CEP78: variants seen among roughly 807,000 people sequenced by gnomAD.
CEP78 encodes the protein centrosomal protein of 78 kDa.
A neutral mutation model predicts 81.2 loss-of-function variants in CEP78; 76 were observed. That is an observed-to-expected ratio of 0.94 (90% CI 0.78 to 1.13). CEP78 has a LOEUF of 1.13. Ranked by LOEUF, CEP78 falls within the 50% of genes most tolerant of loss-of-function variation. CEP78 has a pLI of 0.00. For synonymous variants in CEP78, 293 were observed against 301.4 expected (o/e 0.97, Z 0.29); for missense variants, 918 against 846.8 (o/e 1.08, Z -1.04).
At chr9:78,237,206 C>T (rs1825997125) in intron 1 of CEP78, among the ~76,000 whole-genome samples, 1 of 151,892 alleles carries the variant, frequency 6.6e-6, no homozygotes. Context: ...GTCTCGAACT[C>T]CTGACCTCAG....
intron 9 of CEP78, among the ~76,000 whole-genome samples, chr9:78,252,322 T>G (rs1242313375): frequency 1.3e-5 from 2 of 152,178 alleles, no homozygotes; most frequent in African/African-American, 2.4e-5. Flanking sequence ...TCATTTAAAG[T>G]ATGTGCAGTT....
chr9:78,247,133 A>T (rs1237598472), intron 6 of CEP78, among the ~76,000 whole-genome samples: 1 of 152,248 alleles, frequency 6.6e-6, no homozygotes, highest in Non-Finnish European at 1.5e-5. Context: ...TGGTTTAAGC[A>T]CTAAACATAC....
chr9:78,242,197 C>G (rs1350921228), intron 4 of CEP78, among the ~76,000 whole-genome samples: 1 of 151,468 alleles, frequency 6.6e-6, no homozygotes, highest in Non-Finnish European at 1.5e-5. Context: ...CCAAATCTAG[C>G]CTATCACCTA....
At position 78,275,287 on chromosome 9, in the gene CEP78, T is replaced by C. The variant is rs1434482766; in HGVS notation, c.*4436T>C. The C allele has an allele frequency of 3.3e-5, 5 of 152,060 alleles. No individual in the cohort carries two copies. In the South Asian group the frequency reaches 6.2e-4, roughly 19 times the overall value. The allele number at this position is 152,060 out of a possible 1,614,324, so 9.4% of individuals were successfully genotyped here. ...AATAAACGAAACATCTTAGGAGAAA[T>C]TGAAAAAATAGGACAAGAACTTATT... On this transcript the variant is annotated 3_prime_UTR_variant, in exon 17 of 17. Coordinates refer to ENST00000643273, the MANE Select transcript of CEP78 (RefSeq NM_001330691.3).
chr9:78,256,525 T>A (rs1827035507), intron 11 of CEP78, among the ~76,000 whole-genome samples: 3 of 29,898 alleles, frequency 1.0e-4, no homozygotes, highest in African/African-American at 1.7e-4. Flanking sequence ...TGCTCCCTTA[T>A]TTTTTTTTTT....
At chr9:78,239,503 C>T (rs1474362377) in intron 1 of CEP78, among the ~76,000 whole-genome samples, 1 of 152,158 alleles carries the variant, frequency 6.6e-6, no homozygotes, top group Non-Finnish European at 1.5e-5. Flanking sequence ...CTTTGATACT[C>T]CAACAGTGAG....
At position 78,265,378 on chromosome 9, in the gene CEP78, G is replaced by A. The variant is rs369950369; in HGVS notation, c.1632G>A (p.Gly544=). The A allele has an allele frequency of 6.9e-6, 11 of 1,598,152 alleles. No individual in the cohort carries two copies. Among genetic ancestry groups the A allele is most frequent in the Non-Finnish European group, 8.5e-6 (10 of 1,174,218 alleles). The change falls in exon 14 of 17, where the codon GGG becomes GGA. Residue 544 remains glycine (G), a synonymous_variant. Transcript: ENST00000643273. The part of the protein sequence containing the change: ...FLDLLKDAGL[G]QLATMAGIDQ... Reference sequence around the variant, plus strand: ...CTTTTCTTCTCTCGACCAGGCTTGGGCAGCTTGCCACAATGGCTGGGATAG... The same window carrying A: ...CTTTTCTTCTCTCGACCAGGCTTGGACAGCTTGCCACAATGGCTGGGATAG...
intron 1 of CEP78, among the ~76,000 whole-genome samples, chr9:78,237,953 TACAAA>T (rs1208484897): frequency 3.5e-4 from 5 of 14,426 alleles, no homozygotes; most frequent in South Asian, 1.5e-3. Flanking sequence ...GTACTAAAAA[TACAAA>T]AAAAAAAAAA....
chr9:78,238,267 T>C (rs918943384), intron 1 of CEP78, among the ~76,000 whole-genome samples: 3 of 152,172 alleles, frequency 2.0e-5, no homozygotes, highest in Non-Finnish European at 4.4e-5. Context: ...CGTCTTTCCA[T>C]GACACAGCCG....
chr9:78,257,797 G>A (rs974528346), intron 11 of CEP78, among the ~76,000 whole-genome samples: 1 of 152,160 alleles, frequency 6.6e-6, no homozygotes, highest in African/African-American at 2.4e-5. Flanking sequence ...TATCTAATTT[G>A]TTGTACAAAC....
intron 16 of CEP78, among the ~76,000 whole-genome samples, chr9:78,269,677 TTGA>T (rs996488408): frequency 6.6e-6 from 1 of 152,106 alleles, no homozygotes; most frequent in African/African-American, 2.4e-5. Flanking sequence ...ACTGAATTGG[TTGA>T]TGAAAATGCC....
intron 1 of CEP78, 151 bp downstream of exon 1, chr9:78,236,754 C>T: frequency 1.1e-6 from 1 of 943,102 alleles, no homozygotes; most frequent in Admixed American, 3.6e-5. Flanking sequence ...GTCTCTAGGG[C>T]TTCAGTGTGC....
intron 16 of CEP78, 137 bp from the exon 17 acceptor site, chr9:78,270,704 T>C (rs541148097): frequency 3.8e-6 from 2 of 526,016 alleles, no homozygotes; most frequent in East Asian, 3.3e-5. Flanking sequence ...ACAGAATCTC[T>C]AATCTCAAGA....
chr9:78,277,470 G>A lies in CEP78; in HGVS notation c.*6619G>A, dbSNP rs999431746. The A allele has an allele frequency of 6.6e-6, 1 of 152,060 alleles. No individual in the cohort carries two copies. Among genetic ancestry groups the A allele is most frequent in the Non-Finnish European group, 1.5e-5 (1 of 67,970 alleles). 9.4% of individuals were successfully genotyped at this position (152,060 alleles called of 1,614,324 possible). ...GGCTATAAAAATATTTTATAAATAA[G>A]AAATACAGACTATAAACATAAACTT... On this transcript the variant is annotated 3_prime_UTR_variant, in exon 17 of 17. Transcript: ENST00000643273.
intron 7 of CEP78, 65 bp from the exon 8 acceptor site, chr9:78,248,697 A>G: frequency 3.5e-6 from 3 of 859,028 alleles, no homozygotes; most frequent in Non-Finnish European, 3.6e-6. Flanking sequence ...AACAATTTCC[A>G]TTTAAGATGT....
chr9:78,260,293 C>T (rs969752680), intron 11 of CEP78, among the ~76,000 whole-genome samples: 1 of 152,104 alleles, frequency 6.6e-6, no homozygotes, highest in East Asian at 1.9e-4. Flanking sequence ...AACCTTCATG[C>T]TTAAAAGTGG....
chr9:78,257,767 C>A (rs543101810), intron 11 of CEP78, among the ~76,000 whole-genome samples: 12 of 152,178 alleles, frequency 7.9e-5, no homozygotes, highest in Non-Finnish European at 1.5e-4. Context: ...TTTTCAGTGG[C>A]ACAGCAGTCG....
chr9:78,258,592 A>G (rs2118392968), intron 11 of CEP78, among the ~76,000 whole-genome samples: 1 of 152,306 alleles, frequency 6.6e-6, no homozygotes, highest in South Asian at 2.1e-4. Context: ...GTAAGAATGA[A>G]CCAAACTCTT....
chr9:78,250,896 C>A (rs997068460), intron 8 of CEP78, among the ~76,000 whole-genome samples: 5 of 152,048 alleles, frequency 3.3e-5, no homozygotes, highest in African/African-American at 1.2e-4. Context: ...AATTGCACAG[C>A]ACAATGTGGT....
Sources: allele counts gnomAD v4.1 joint callset (sites outside exome capture counted in the v4.1 genomes callset), GRCh38; gene constraint gnomAD v4.1.1; transcripts MANE v1.5; gene names NCBI Gene and HGNC (gene_info 2026-07-23, HGNC 2026-07-21).